CHMP5: variants seen among roughly 807,000 people sequenced by gnomAD.
CHMP5 encodes charged multivesicular body protein 5, also known as SNF7 domain containing 2.
In CHMP5, 17 loss-of-function variants were observed where a neutral mutation model predicts 33.0. That is an observed-to-expected ratio of 0.52 (90% confidence interval 0.35 to 0.77). The LOEUF (loss-of-function observed/expected upper bound fraction) is 0.77. CHMP5 is among the 30% of genes least tolerant of loss of function. The pLI, the probability that CHMP5 is intolerant of heterozygous loss-of-function variation, is 0.01. For synonymous variants in CHMP5, 76 were observed against 90.2 expected (o/e 0.84, Z 0.89); for missense variants, 216 against 261.5 (o/e 0.83, Z 1.20).
chr9:33,271,013 C>T (rs1188589767), intron 4 of CHMP5, 139 bp from the exon 5 acceptor site: 6 of 676,270 alleles, frequency 8.9e-6, no homozygotes, highest in African/African-American at 3.6e-5. Context: ...ACCCAGGAGG[C>T]GGAGGTTGCA....
intron 5 of CHMP5, among the ~76,000 whole-genome samples, chr9:33,272,808 A>G (rs1820810647): frequency 6.6e-6 from 1 of 151,978 alleles, no homozygotes; most frequent in African/African-American, 2.4e-5. Context: ...TCAAAAAAAA[A>G]TAAAAGAGTG....
intron 5 of CHMP5, among the ~76,000 whole-genome samples, chr9:33,274,258 G>C (rs931892382): frequency 5.3e-5 from 8 of 151,938 alleles, no homozygotes; most frequent in African/African-American, 1.9e-4. Context: ...TTTTTTTGTG[G>C]AGATGAGGTT....
intron 5 of CHMP5, 89 bp from the exon 6 acceptor site, chr9:33,276,367 T>C: frequency 2.8e-6 from 2 of 707,246 alleles, no homozygotes; most frequent in Non-Finnish European, 4.9e-6. Context: ...AAATTGCTCA[T>C]GTCTAGATTC....
chr9:33,277,574 A>C (rs1820870805), intron 6 of CHMP5, among the ~76,000 whole-genome samples: 1 of 152,214 alleles, frequency 6.6e-6, no homozygotes, highest in Non-Finnish European at 1.5e-5. Flanking sequence ...ATGGTGGCCG[A>C]GACTAGCTAG....
chr9:33,271,322 T>C (rs931229375), intron 5 of CHMP5, 99 bp downstream of exon 5: 9 of 961,418 alleles, frequency 9.4e-6, no homozygotes, highest in Middle Eastern at 2.2e-4. Flanking sequence ...AGGAACTGAA[T>C]CTTGGGGCTG....
intron 7 of CHMP5, among the ~76,000 whole-genome samples, chr9:33,280,331 A>G (rs920367644): frequency 6.6e-6 from 1 of 152,202 alleles, no homozygotes; most frequent in Non-Finnish European, 1.5e-5. Context: ...TAGGCAGAGC[A>G]GCCCTGGTGT....
At chr9:33,273,678 A>C (rs1820821087) in intron 5 of CHMP5, among the ~76,000 whole-genome samples, 1 of 148,266 alleles carries the variant, frequency 6.7e-6, no homozygotes, top group Non-Finnish European at 1.5e-5. Context: ...CTGCTTTTTC[A>C]GTTGCTGCAT....
chr9:33,271,003 A>T lies in CHMP5; in HGVS notation c.316-149A>T, dbSNP rs41312818. 416 of 656,856 alleles carry T rather than the reference A, an allele frequency of 6.3e-4. 1 individual carries two copies. Among genetic ancestry groups the T allele is most frequent in the Admixed American group, 9.5e-4 (36 of 37,858 alleles). 40.7% of individuals were successfully genotyped at this position (656,856 alleles called of 1,614,324 possible). A position where few individuals can be genotyped will look rare whatever the true frequency, so the allele number is the denominator to read the frequency against. On this transcript the variant is annotated intron_variant, in intron 4 of 7. Transcript: ENST00000223500. ...AGTCTGAGGCAGGAGAATCACTTGA[A>T]CCCAGGAGGCGGAGGTTGCAGTGAG...
intron 6 of CHMP5, 38 bp from the exon 7 acceptor site, chr9:33,278,075 G>C (rs955226159): frequency 7.3e-7 from 1 of 1,377,770 alleles, no homozygotes; most frequent in African/African-American, 1.4e-5. Context: ...AGTTTTCTTG[G>C]TTACATTTTT....
intron 6 of CHMP5, among the ~76,000 whole-genome samples, chr9:33,276,916 C>T (rs1564087889): frequency 6.6e-6 from 1 of 152,070 alleles, no homozygotes; most frequent in Non-Finnish European, 1.5e-5. Context: ...AATTAAGAAA[C>T]AATAATTAGG....
chr9:33,276,947 C>A (rs1482263364), intron 6 of CHMP5, among the ~76,000 whole-genome samples: 3 of 152,146 alleles, frequency 2.0e-5, no homozygotes, highest in Non-Finnish European at 4.4e-5. Flanking sequence ...CTAATCCCAG[C>A]ACTTTGGAAG....
intron 5 of CHMP5, among the ~76,000 whole-genome samples, chr9:33,275,404 G>A (rs1820841469): frequency 6.6e-6 from 1 of 152,162 alleles, no homozygotes; most frequent in South Asian, 2.1e-4. Context: ...TGTCTTGGCT[G>A]TGACACCTAT....
rs747126873 is a variant in CHMP5, at chr9:33,274,217, A to G, written c.388-2239A>G. On this transcript the variant is annotated intron_variant, in intron 5 of 7. Coordinates refer to ENST00000223500, the MANE Select transcript of CHMP5 (RefSeq NM_016410.6). ...CAGTCTCCTGAGTAGCTGAGACTAC[A>G]AGCATGCACCATGCCCAGCTAATTT... is the stretch of plus-strand genomic sequence containing the variant. Among the ~76,000 whole-genome samples the G allele has an allele frequency of 2.0e-4, 31 of 152,022 alleles. 1 individual carries two copies. Among genetic ancestry groups the G allele is most frequent in the Admixed American group, 1.1e-3 (17 of 15,254 alleles).
chr9:33,276,659 C>T, intron 6 of CHMP5, 95 bp downstream of exon 6: 1 of 701,592 alleles, frequency 1.4e-6, no homozygotes, highest in South Asian at 1.8e-5. Flanking sequence ...AAATTTCTAT[C>T]AGGATTTCCT....
At chr9:33,266,154 G>A in intron 2 of CHMP5, 40 bp downstream of exon 2, 2 of 1,415,206 alleles carry the variant, frequency 1.4e-6, no homozygotes, top group Non-Finnish European at 2.0e-6. Context: ...TGCTGGCAGA[G>A]CCTAGTTTTA....
Position 33,281,980 on chromosome 9 carries a change from C to A in CHMP5, c.*1121C>A, listed in dbSNP as rs190250246. ...ATTCAACTTGTTGCCAACAGCATGG[C>A]CCCTCCAGCCTAGCTGGGTGCCTCA... On this transcript the variant is annotated 3_prime_UTR_variant, in exon 8 of 8. Coordinates refer to ENST00000223500, the MANE Select transcript of CHMP5 (RefSeq NM_016410.6). 3.5e-4 allele frequency: 54 copies of A among 152,336 alleles called. No homozygotes were observed. Among genetic ancestry groups the A allele is most frequent in the African/African-American group, 1.2e-3 (51 of 41,564 alleles). 9.4% of individuals were successfully genotyped at this position (152,336 alleles called of 1,614,324 possible). A position where few individuals can be genotyped will look rare whatever the true frequency, so the allele number is the denominator to read the frequency against.
intron 2 of CHMP5, 85 bp downstream of exon 2, chr9:33,266,199 G>A (rs910538334): frequency 1.6e-5 from 13 of 826,238 alleles, no homozygotes; most frequent in African/African-American, 3.4e-5. Flanking sequence ...TCGGCTGGGC[G>A]CAGTGGCTCA....
chr9:33,265,654 C>A (rs1299429757), intron 1 of CHMP5, among the ~76,000 whole-genome samples: 1 of 152,230 alleles, frequency 6.6e-6, no homozygotes, highest in Non-Finnish European at 1.5e-5. Flanking sequence ...CTACAATCAG[C>A]TGGTTTCACT....
rs916139693 is a variant in CHMP5, at chr9:33,278,245, A to G, written c.609+20A>G. On this transcript the variant is annotated intron_variant, in intron 7 of 7. Coordinates refer to ENST00000223500, the MANE Select transcript of CHMP5 (RefSeq NM_016410.6). ...AACAAGGTGAAAGCTTTTTCTGTTTATATTTCAATGCAAAATAGCAAAGGC... is the reference window on the plus strand; with the variant it reads ...AACAAGGTGAAAGCTTTTTCTGTTTGTATTTCAATGCAAAATAGCAAAGGC... 7.0e-6 allele frequency: 10 copies of G among 1,425,984 alleles called. No individual in the cohort carries two copies. The highest frequency in any genetic ancestry group is 1.4e-5 in the African/African-American group (1 of 71,444). The allele number at this position is 1,425,984 out of a possible 1,614,324, so 88.3% of individuals were successfully genotyped here. A position where few individuals can be genotyped will look rare whatever the true frequency, so the allele number is the denominator to read the frequency against.
Sources: allele counts gnomAD v4.1 joint callset (sites outside exome capture counted in the v4.1 genomes callset), GRCh38; gene constraint gnomAD v4.1.1; transcripts MANE v1.5; gene names NCBI Gene and HGNC (gene_info 2026-07-23, HGNC 2026-07-21).